Variants in DRG2 observed in about 807,000 individuals in gnomAD.
The protein encoded by DRG2 is developmentally regulated GTP binding protein 2.
In DRG2, 36 loss-of-function variants were observed where a neutral mutation model predicts 53.4. The observed-to-expected ratio is 0.67, with a 90% confidence interval of 0.52 to 0.89. DRG2 has a LOEUF of 0.89. Among genes scored for constraint, DRG2 ranks in the 40% least tolerant of loss-of-function variants. DRG2 has a pLI of 0.00. For missense variants in DRG2, 342 were observed against 481.2 expected (o/e 0.71, Z 2.71); for synonymous variants, 167 against 192.1 (o/e 0.87, Z 1.08).
At chr17:18,106,524 C>T (rs560481123) in intron 12 of DRG2, 38 bp downstream of exon 12, 2 of 1,611,432 alleles carry the variant, frequency 1.2e-6, no homozygotes, top group East Asian at 2.2e-5. Context: ...GGGGGTAGAC[C>T]CAGGACAGCC....
Position 18,101,945 on chromosome 17 carries a change from T to G in DRG2, c.754T>G (p.Ser252Ala). 1 of 1,612,762 alleles carries G rather than the reference T, an allele frequency of 6.2e-7. No homozygotes were observed. The change falls in exon 9 of 13, where the codon TCC becomes GCC. Residue 252 changes from serine to alanine, a missense_variant. By Grantham distance (99) the Ser-to-Ala change is moderately conservative. Transcript: ENST00000225729. ...GGTTTATAACAAAATCGACCAGATC[T>G]CCATGGAAGAGGTGGACCGCCTGGC... is the stretch of plus-strand genomic sequence containing the variant. ...LYVYNKIDQI[S>A]MEEVDRLARK... is the part of the protein sequence containing the mutation.
intron 12 of DRG2, 76 bp downstream of exon 12, chr17:18,106,562 C>A: frequency 2.0e-6 from 3 of 1,518,672 alleles, no homozygotes; most frequent in South Asian, 1.1e-5. Flanking sequence ...GCAAGGCATT[C>A]ACACTCTCTG....
chr17:18,100,423 C>T lies in DRG2; in HGVS notation c.528C>T (p.Asn176=), dbSNP rs1433060690. 4 of 1,614,244 alleles carry T rather than the reference C, an allele frequency of 2.5e-6. No homozygotes were observed. In the East Asian group the frequency reaches 6.7e-5, roughly 27 times the overall value. ...TCCGCCTCAACAAGCACAAGCCTAACATCTACTTCAAGGTGAGGCACCTCT... is the reference window on the plus strand; with the variant it reads ...TCCGCCTCAACAAGCACAAGCCTAATATCTACTTCAAGGTGAGGCACCTCT... ...VGIRLNKHKP[N]IYFKPKKGGG... Residue 176 remains asparagine, a synonymous_variant, in exon 6 of 13, where the codon AAC becomes AAT. Coordinates refer to ENST00000225729, the MANE Select transcript of DRG2 (RefSeq NM_001388.5). This position sits in a 1 kb window ranked among gnomAD's most constrained non-coding sequence, Gnocchi z 4.1.
chr17:18,095,305 C>T (rs1181228788), intron 2 of DRG2: 1 of 151,534 alleles, frequency 6.6e-6, no homozygotes, highest in Non-Finnish European at 1.5e-5. Flanking sequence ...AGCCACCGTT[C>T]CCGGCGTGAT....
chr17:18,093,617 C>T (rs1218309248), intron 1 of DRG2, among the ~76,000 whole-genome samples, 196 bp from the exon 2 acceptor site: 4 of 152,156 alleles, frequency 2.6e-5, no homozygotes, highest in South Asian at 2.1e-4. Context: ...TGCGCCCGGT[C>T]TAAGAGACTG....
In DRG2 at chr17:18,106,424, G is replaced by C; in HGVS notation, c.955-9G>C. 2.5e-6 allele frequency: 4 copies of C among 1,614,040 alleles called. No individual in the cohort carries two copies. Among genetic ancestry groups the C allele is most frequent in the East Asian group, 2.2e-5 (1 of 44,876 alleles). ...TCACCTCTCTACCTGACTCTCTCCT[G>C]TCCTCCAGTGCCACCGCATCCACCG... On this transcript the variant is annotated splice_polypyrimidine_tract_variant and intron_variant, in intron 11 of 12. Coordinates refer to ENST00000225729, the MANE Select transcript of DRG2 (RefSeq NM_001388.5).
Position 18,098,708 on chromosome 17 carries a change from T to C in DRG2, c.316-309T>C, listed in dbSNP as rs1244743284. Among the ~76,000 whole-genome samples the C allele has an allele frequency of 6.6e-6, 1 of 152,242 alleles. No individual in the cohort carries two copies. Among genetic ancestry groups the C allele is most frequent in the Admixed American group, 6.5e-5 (1 of 15,280 alleles). On this transcript the variant is annotated intron_variant, in intron 3 of 12. Coordinates refer to ENST00000225729, the MANE Select transcript of DRG2 (RefSeq NM_001388.5). The surrounding 1 kb of genome is among the most constrained non-coding windows in gnomAD (Gnocchi z 4.1). ...TTCACTGCCTTGGGCTGTGTTTGCT[T>C]TGGGCAGCTGAGTGGTATGGCCTTA...
At chr17:18,090,406 ATTTTTTTT>A (rs1186716416) in intron 1 of DRG2, among the ~76,000 whole-genome samples, 3 of 22,698 alleles carry the variant, frequency 1.3e-4, no homozygotes, top group African/African-American at 2.2e-4. Context: ...ATATATATAT[ATTTTTTTT>A]TTTTTTTTTT....
At chr17:18,089,294 CA>C (rs2045271573) in intron 1 of DRG2, among the ~76,000 whole-genome samples, 1 of 152,158 alleles carries the variant, frequency 6.6e-6, no homozygotes, top group Non-Finnish European at 1.5e-5. Flanking sequence ...CGTGCCACCA[CA>C]CCCGGCTAAT....
intron 1 of DRG2, among the ~76,000 whole-genome samples, chr17:18,091,261 A>G (rs2045329281): frequency 6.6e-6 from 1 of 152,158 alleles, no homozygotes; most frequent in Non-Finnish European, 1.5e-5. Flanking sequence ...TGCTTTCTGT[A>G]AGACTTCTCC....
intron 9 of DRG2, among the ~76,000 whole-genome samples, chr17:18,102,464 T>C (rs899806606): frequency 7.1e-5 from 10 of 140,490 alleles, no homozygotes; most frequent in African/African-American, 2.7e-4. Context: ...CTACTAAAAA[T>C]ACAAAAATTA....
At chr17:18,102,638 AAAAG>A (rs2045560755) in intron 9 of DRG2, among the ~76,000 whole-genome samples, 1 of 151,574 alleles carries the variant, frequency 6.6e-6, no homozygotes, top group Admixed American at 6.6e-5. Flanking sequence ...AAAAAAAAAA[AAAAG>A]AGGCTTCTTA....
At chr17:18,092,323 C>T (rs964074904) in intron 1 of DRG2, among the ~76,000 whole-genome samples, 3 of 152,130 alleles carry the variant, frequency 2.0e-5, no homozygotes, top group South Asian at 2.1e-4. Context: ...TTTAATTAGG[C>T]AGTCCTGGTG....
chr17:18,103,379 C>T lies in DRG2; in HGVS notation c.807-422C>T, dbSNP rs768771797. Among the ~76,000 whole-genome samples the T allele has an allele frequency of 5.9e-5, 9 of 152,148 alleles. No homozygotes were observed. Among genetic ancestry groups the T allele is most frequent in the African/African-American group, 2.2e-4 (9 of 41,438 alleles). ...GTAAAGGCTCTGGTGTCTCCAGAGC[C>T]TTGGTTCTCCCCTCTTCTTGCTGAA... On this transcript the variant is annotated intron_variant, in intron 9 of 12. Transcript: ENST00000225729. The surrounding 1 kb of genome is among the most constrained non-coding windows in gnomAD (Gnocchi z 4.4).
chr17:18,093,165 GC>G (rs2045362808), intron 1 of DRG2, among the ~76,000 whole-genome samples: 1 of 152,106 alleles, frequency 6.6e-6, no homozygotes, highest in Admixed American at 6.5e-5. Context: ...TGGTTTCCCT[GC>G]CCCCTGCCCA....
chr17:18,094,078 A>T (rs2045385600), intron 2 of DRG2, 105 bp downstream of exon 2: 1 of 1,439,048 alleles, frequency 6.9e-7, no homozygotes, highest in African/African-American at 1.4e-5. Context: ...AGCTCCAGGG[A>T]CACAGAAGAC....
Position 18,098,976 on chromosome 17 carries a change from G to A in DRG2, c.316-41G>A, listed in dbSNP as rs202182720. On this transcript the variant is annotated intron_variant, in intron 3 of 12. Transcript: ENST00000225729. The surrounding 1 kb of genome is among the most constrained non-coding windows in gnomAD (Gnocchi z 4.1). Reference sequence around the variant, plus strand: ...ATCCAGACAGGACCTTTCCAGTGGAGGCCCAGCCTTGCCTTACCTTTCTTC... The same window carrying A: ...ATCCAGACAGGACCTTTCCAGTGGAAGCCCAGCCTTGCCTTACCTTTCTTC... 4 of 1,610,754 alleles carry A rather than the reference G, an allele frequency of 2.5e-6. No homozygotes were observed. In the African/African-American group the frequency reaches 4.0e-5, roughly 16 times the overall value.
At chr17:18,094,974 C>CAAAAAAAAAAAAAAAAAAAAAAAAA (rs1165321853) in intron 2 of DRG2, among the ~76,000 whole-genome samples, 1 of 25,306 alleles carries the variant, frequency 4.0e-5, no homozygotes. Context: ...AACTCCATCT[C>CAAAAAAAAAAAAAAAAAAAAAAAAA]AAAAAAAAAA....
In DRG2 at chr17:18,098,247, G is replaced by A. The variant is rs1370605750; in HGVS notation, c.226-23G>A. 2.5e-6 allele frequency: 4 copies of A among 1,607,852 alleles called. No individual in the cohort carries two copies. The Admixed American group carries it at 5.0e-5, about 20-fold the overall frequency. On this transcript the variant is annotated intron_variant, in intron 2 of 12. Transcript: ENST00000225729. The surrounding 1 kb of genome is among the most constrained non-coding windows in gnomAD (Gnocchi z 4.1). ...AAGGCCAGGGACAAGGCTCCTCAGTGCAATGATCTCCTTTTCTCCTAGTCC... is the reference window on the plus strand; with the variant it reads ...AAGGCCAGGGACAAGGCTCCTCAGTACAATGATCTCCTTTTCTCCTAGTCC...
Sources: gnomAD v4.1 joint callset for allele counts (sites outside exome capture counted in the v4.1 genomes callset) on GRCh38, gnomAD v4.1.1 for gene constraint, Gnocchi (gnomAD v3.1) non-coding constraint, MANE v1.5 for transcripts, NCBI Gene and HGNC (gene_info 2026-07-23, HGNC 2026-07-21) for gene names.